Variants in LIN52 observed in about 807,000 individuals in gnomAD.
LIN52 encodes protein lin-52 homolog.
LIN52 carries 4 observed loss-of-function variants against 18.5 expected under a neutral mutation model. The ratio of observed to expected loss-of-function variants is 0.22; its 90% CI spans 0.11 to 0.49. The LOEUF (loss-of-function observed/expected upper bound fraction) is 0.49. Ranked by LOEUF, LIN52 falls within the 20% of genes least tolerant of loss-of-function variation. The pLI, the probability that LIN52 is intolerant of heterozygous loss-of-function variation, is 0.97. For missense variants in LIN52, 102 were observed against 139.5 expected, an observed-to-expected ratio of 0.73 and a Z score of 1.35; for synonymous variants, 34 against 45.5, an observed-to-expected ratio of 0.75 and a Z score of 1.02.
chr14:74,126,987 G>C (rs2061033233), intron 5 of LIN52, among the ~76,000 whole-genome samples: 1 of 152,142 alleles, frequency 6.6e-6, no homozygotes, highest in African/African-American at 2.4e-5. Context: ...TTAGCTTCGT[G>C]ACCTTGGTCA....
chr14:74,199,876 G>T lies in LIN52; in HGVS notation c.*899G>T, dbSNP rs1415269583. On this transcript the variant is annotated 3_prime_UTR_variant, in exon 6 of 6. Transcript: ENST00000555028. ...TAACATGCTATGGGATGGTGGGATT[G>T]TCCCCTCTGACAGCACATATGAAAT... is the stretch of plus-strand genomic sequence containing the variant. 1 of 152,206 alleles carries T rather than the reference G, an allele frequency of 6.6e-6. No homozygotes were observed. The highest frequency in any genetic ancestry group is 1.5e-5 in the Non-Finnish European group (1 of 68,056). The allele number at this position is 152,206 out of a possible 1,614,324, so 9.4% of individuals were successfully genotyped here.
At chr14:74,180,219 A>T (rs10140966) in intron 5 of LIN52, among the ~76,000 whole-genome samples, 67,028 of 150,568 alleles carry the variant, frequency 0.45, 16,018 homozygotes, top group Non-Finnish European at 0.53. Context: ...CCGAGGACAA[A>T]CTCTTGGTGA....
At chr14:74,176,656 A>T (rs1332161603) in intron 5 of LIN52, among the ~76,000 whole-genome samples, 2 of 152,152 alleles carry the variant, frequency 1.3e-5, no homozygotes, top group African/African-American at 4.8e-5. Flanking sequence ...TCCCTAGGAG[A>T]TAGGAATTTT....
intron 5 of LIN52, among the ~76,000 whole-genome samples, chr14:74,187,000 A>G (rs1219735994): frequency 6.6e-6 from 1 of 152,118 alleles, no homozygotes. Context: ...AATCACTTGA[A>G]TGGGAGGTAG....
In LIN52 at chr14:74,182,578, G is replaced by A. The variant is rs539997833; in HGVS notation, c.284-16344G>A. 3.6e-5 allele frequency among the ~76,000 whole-genome samples: 5 copies of A among 140,800 alleles called. No homozygotes were observed. In the East Asian group the frequency reaches 6.1e-4, roughly 17 times the overall value. The allele number at this position is 140,800 out of a possible 152,430, so 92.4% of individuals were successfully genotyped here. ...ATGATCGCAGTAAAATTGGATTAGCGAGGTCATCATTTACATATACAGTTG... is the reference window on the plus strand; with the variant it reads ...ATGATCGCAGTAAAATTGGATTAGCAAGGTCATCATTTACATATACAGTTG... On this transcript the variant is annotated intron_variant, in intron 5 of 5. Coordinates refer to ENST00000555028, the MANE Select transcript of LIN52 (RefSeq NM_001024674.3).
At chr14:74,094,262 T>G (rs886292922) in intron 2 of LIN52, among the ~76,000 whole-genome samples, 2 of 151,662 alleles carry the variant, frequency 1.3e-5, no homozygotes, top group African/African-American at 2.4e-5. Flanking sequence ...TTTGTAGTTT[T>G]TTTTTTTTTT....
chr14:74,112,591 C>T (rs2060936488), intron 5 of LIN52, among the ~76,000 whole-genome samples: 1 of 152,168 alleles, frequency 6.6e-6, no homozygotes, highest in Non-Finnish European at 1.5e-5. Context: ...TGCTCTATTA[C>T]ATTAAACAGG....
intron 1 of LIN52, among the ~76,000 whole-genome samples, chr14:74,086,011 AT>A (rs372157745): frequency 0.025 from 3,636 of 148,142 alleles, 141 homozygotes; most frequent in African/African-American, 0.08. Context: ...ACATATAAAC[AT>A]TTTTTTTTTT....
At chr14:74,164,296 T>TA (rs2061239372) in intron 5 of LIN52, among the ~76,000 whole-genome samples, 1 of 149,514 alleles carries the variant, frequency 6.7e-6, no homozygotes, top group African/African-American at 2.5e-5. Context: ...TGTTTTTTTT[T>TA]GCTTTTGAGA....
At chr14:74,134,679 T>C (rs2139943620) in intron 5 of LIN52, among the ~76,000 whole-genome samples, 1 of 152,322 alleles carries the variant, frequency 6.6e-6, no homozygotes, top group East Asian at 1.9e-4. Context: ...GGTTTCACTT[T>C]TAGAGCACTC....
intron 5 of LIN52, among the ~76,000 whole-genome samples, chr14:74,188,472 T>C (rs1180190444): frequency 6.6e-6 from 1 of 152,132 alleles, no homozygotes; most frequent in Non-Finnish European, 1.5e-5. Flanking sequence ...TTCTGTGTGT[T>C]CCACTTGATG....
At chr14:74,088,221 G>C (rs1249341272) in intron 1 of LIN52, among the ~76,000 whole-genome samples, 1 of 152,144 alleles carries the variant, frequency 6.6e-6, no homozygotes, top group Non-Finnish European at 1.5e-5. Flanking sequence ...CTCTCCAGTA[G>C]CTGGGATAAC....
intron 5 of LIN52, among the ~76,000 whole-genome samples, chr14:74,188,509 G>A (rs1274333774): frequency 6.6e-6 from 1 of 151,698 alleles, no homozygotes; most frequent in Admixed American, 6.6e-5. Flanking sequence ...AGGTTGTAGG[G>A]TTCCATTAAA....
intron 5 of LIN52, among the ~76,000 whole-genome samples, chr14:74,168,429 G>A (rs1342591664): frequency 6.6e-6 from 1 of 152,224 alleles, no homozygotes; most frequent in East Asian, 1.9e-4. Context: ...AGCACTTTGG[G>A]AGGCTGAGGC....
Position 74,084,985 on chromosome 14 carries a change from C to T in LIN52, c.11C>T (p.Pro4Leu). The T allele has an allele frequency of 8.4e-6, 12 of 1,424,734 alleles. No homozygotes were observed. Among genetic ancestry groups the T allele is most frequent in the South Asian group, 1.7e-5 (1 of 60,088 alleles). The allele number at this position is 1,424,734 out of a possible 1,614,324, so 88.3% of individuals were successfully genotyped here. Reference protein sequence around the residue: MASPTDGTDLEASL... With the variant: MASLTDGTDLEASL... ...GACATGGGTTGGAAGATGGCGTCTCCCACAGACGGTAAGAGCCGGCTTAGA... is the reference window on the plus strand; with the variant it reads ...GACATGGGTTGGAAGATGGCGTCTCTCACAGACGGTAAGAGCCGGCTTAGA... Residue 4 changes from proline to leucine, a missense_variant, in exon 1 of 6, where the codon CCC becomes CTC. Pro to Leu is a moderately conservative substitution (Grantham distance 98). Coordinates refer to ENST00000555028, the MANE Select transcript of LIN52 (RefSeq NM_001024674.3).
At chr14:74,187,888 T>A (rs765581897) in intron 5 of LIN52, among the ~76,000 whole-genome samples, 6 of 152,194 alleles carry the variant, frequency 3.9e-5, no homozygotes, top group Non-Finnish European at 7.3e-5. Context: ...AATCCCCACT[T>A]AACAGAGGAA....
In LIN52 at chr14:74,095,994, T is replaced by C; in HGVS notation, c.132+9T>C. ...CAGCTTCCTTCAAAAGTGTAAGTAA[T>C]ATCCCTTACCTACTGAGGTCAATCC... is the stretch of plus-strand genomic sequence containing the variant. On this transcript the variant is annotated intron_variant, in intron 3 of 5. Coordinates refer to ENST00000555028, the MANE Select transcript of LIN52 (RefSeq NM_001024674.3). The C allele has an allele frequency of 6.2e-7, 1 of 1,601,564 alleles. No homozygotes were observed. The highest frequency in any genetic ancestry group is 8.5e-7 in the Non-Finnish European group (1 of 1,171,654).
At chr14:74,196,859 A>G (rs1255691217) in intron 5 of LIN52, among the ~76,000 whole-genome samples, 1 of 152,200 alleles carries the variant, frequency 6.6e-6, no homozygotes, top group Non-Finnish European at 1.5e-5. Context: ...TTACAAATGA[A>G]GAGACTGAGG....
chr14:74,114,247 A>G, intron 5 of LIN52: 1 of 983,210 alleles, frequency 1.0e-6, no homozygotes, highest in Non-Finnish European at 1.2e-6. Context: ...ATTTTATTCT[A>G]TCTTAAGCAT....
Sources: gnomAD v4.1 joint callset for allele counts (sites outside exome capture counted in the v4.1 genomes callset) on GRCh38, gnomAD v4.1.1 for gene constraint, MANE v1.5 for transcripts, NCBI Gene and HGNC (gene_info 2026-07-23, HGNC 2026-07-21) for gene names.